ADA2: variants seen among roughly 807,000 people sequenced by gnomAD.
ADA2 encodes the protein adenosine deaminase 2, also known as adenosine deaminase CECR1.
In ADA2, 29 loss-of-function variants were observed where a neutral mutation model predicts 44.2. That is an observed-to-expected ratio of 0.66 (90% CI 0.49 to 0.89). The LOEUF (loss-of-function observed/expected upper bound fraction) is 0.89, where lower values mean the gene tolerates loss of function less well. ADA2 is among the 40% of genes least tolerant of loss of function. ADA2 has a pLI of 0.00. For synonymous variants in ADA2, 215 were observed against 234.9 expected (o/e 0.92, Z 0.77); for missense variants, 637 against 644.8 (o/e 0.99, Z 0.13).
Position 17,209,389 on chromosome 22 carries a change from G to C in ADA2, c.289C>G (p.Gln97Glu), listed in dbSNP as rs370709874. ...ATCATCCTTAGAATATTAAACACTT[G>C]ACTTCTCTCAATGAGATGCTTGGCC... ...FQAKHLIERS[Q>E]VFNILRMMPK... The change falls in exon 2 of 10, where the codon CAA (glutamine) becomes GAA (glutamate). Residue 97 changes from glutamine (Q) to glutamate (E), a missense_variant. By Grantham distance (29) the Gln-to-Glu change is conservative. Coordinates refer to ENST00000399837, the MANE Select transcript of ADA2 (RefSeq NM_001282225.2). 5.0e-6 allele frequency: 8 copies of C among 1,613,846 alleles called. No homozygotes were observed. In the Admixed American group the frequency reaches 8.3e-5, roughly 17 times the overall value.
chr22:17,190,116 G>T, intron 5 of ADA2, 84 bp from the exon 6 acceptor site: 1 of 1,120,714 alleles, frequency 8.9e-7, no homozygotes, highest in Non-Finnish European at 1.3e-6. Context: ...GTGCAGGGCT[G>T]GGCCAGCCCC....
At position 17,182,062 on chromosome 22, in the gene ADA2, C is replaced by G. The variant is rs763152221; in HGVS notation, c.1240-40G>C. The G allele has an allele frequency of 2.0e-5, 30 of 1,528,072 alleles. No homozygotes were observed. In the South Asian group the frequency reaches 3.3e-4, roughly 17 times the overall value. The allele number at this position is 1,528,072 out of a possible 1,614,324, so 94.7% of individuals were successfully genotyped here. On this transcript the variant is annotated intron_variant, in intron 8 of 9. Coordinates refer to ENST00000399837, the MANE Select transcript of ADA2 (RefSeq NM_001282225.2). Reference sequence around the variant, plus strand: ...GGAAGGGAGAAAGATGAACTCTGATCCCTAAAAAGAGTAGTCACAAGTGAG... The same window carrying G: ...GGAAGGGAGAAAGATGAACTCTGATGCCTAAAAAGAGTAGTCACAAGTGAG...
At chr22:17,211,920 C>G (rs1276931561) in intron 1 of ADA2, among the ~76,000 whole-genome samples, 1 of 151,410 alleles carries the variant, frequency 6.6e-6, no homozygotes, top group Non-Finnish European at 1.5e-5. Flanking sequence ...GAGTGAGACT[C>G]CGTCTCAAAA....
At chr22:17,213,429 G>C (rs2062437531) in intron 1 of ADA2, 1 of 185,170 alleles carries the variant, frequency 5.4e-6, no homozygotes, top group South Asian at 9.6e-5. Flanking sequence ...CAAAGTTATG[G>C]AAACAACCCA....
At position 17,207,107 on chromosome 22, in the gene ADA2, C is replaced by T. The variant is rs77563738; in HGVS notation, c.506G>A (p.Arg169Gln). Residue 169 changes from arginine to glutamine, a missense_variant, in exon 3 of 10, where the codon CGG becomes CAG. Coordinates refer to ENST00000399837, the MANE Select transcript of ADA2 (RefSeq NM_001282225.2). ...CTCAGTGACGTTCTGCACCCGCTTCCGATAATCCTCCAGCAGAATCCACTT... is the reference window on the plus strand; with the variant it reads ...CTCAGTGACGTTCTGCACCCGCTTCTGATAATCCTCCAGCAGAATCCACTT... ...CSKWILLEDY[R>Q]KRVQNVTEFD... The T allele has an allele frequency of 5.0e-4, 810 of 1,614,176 alleles. No individual in the cohort carries two copies. Among genetic ancestry groups the T allele is most frequent in the Non-Finnish European group, 5.7e-4 (670 of 1,180,020 alleles).
intron 7 of ADA2, among the ~76,000 whole-genome samples, chr22:17,188,037 G>A (rs754848425): frequency 2.0e-5 from 3 of 151,372 alleles, no homozygotes; most frequent in Admixed American, 6.6e-5. Flanking sequence ...CTGGGAAGCC[G>A]AGGTTGCAGT....
intron 7 of ADA2, among the ~76,000 whole-genome samples, chr22:17,184,976 A>G (rs1373261652): frequency 1.1e-5 from 1 of 90,568 alleles, no homozygotes; most frequent in East Asian, 2.4e-4. Context: ...CAGAGTGCCC[A>G]TGTCAAAATA....
chr22:17,209,881 G>T, intron 1 of ADA2, 158 bp from the exon 2 acceptor site: 1 of 543,430 alleles, frequency 1.8e-6, no homozygotes, highest in South Asian at 2.7e-5. Context: ...ACAGGTAGGG[G>T]TTTCCCAATT....
intron 1 of ADA2, among the ~76,000 whole-genome samples, chr22:17,210,138 C>G (rs918366560): frequency 1.2e-4 from 18 of 151,864 alleles, no homozygotes; most frequent in Non-Finnish European, 2.5e-4. Context: ...GATCTGCCCG[C>G]CTGGGCCTCC....
chr22:17,185,561 G>T (rs945253709), intron 7 of ADA2, among the ~76,000 whole-genome samples: 1 of 152,126 alleles, frequency 6.6e-6, no homozygotes, highest in Non-Finnish European at 1.5e-5. Flanking sequence ...GCAATGTTTT[G>T]TAGGGCCAGA....
intron 4 of ADA2, among the ~76,000 whole-genome samples, chr22:17,200,437 C>T (rs566705039): frequency 3.2e-4 from 48 of 152,254 alleles, no homozygotes; most frequent in Non-Finnish European, 5.7e-4. Flanking sequence ...AGTTAATGTT[C>T]CCCTCCCACT....
intron 2 of ADA2, among the ~76,000 whole-genome samples, 189 bp from the exon 3 acceptor site, chr22:17,207,479 G>A (rs1020575237): frequency 4.6e-5 from 7 of 152,010 alleles, no homozygotes; most frequent in South Asian, 4.2e-4. Context: ...CCAGGGCTCC[G>A]GGGCTTGGGG....
intron 3 of ADA2, among the ~76,000 whole-genome samples, chr22:17,204,422 G>T (rs2062329056): frequency 6.6e-6 from 1 of 152,114 alleles, no homozygotes; most frequent in Non-Finnish European, 1.5e-5. Flanking sequence ...TTCGAGATCA[G>T]CCTGGCCAAC....
At position 17,203,596 on chromosome 22, in the gene ADA2, C is replaced by T; in HGVS notation, c.720G>A (p.Val240=). The change falls in exon 4 of 10, where the codon GTG becomes GTA. Residue 240 remains valine, a synonymous_variant. Transcript: ENST00000399837. ...RSMQEFYEDN[V]LYMEIRARLL... ...GCCTGGCTCTGATCTCCATGTAGAG[C>T]ACGTTGTCCTCGTAGAACTCCTGCA... 1 of 1,613,044 alleles carries T rather than the reference C, an allele frequency of 6.2e-7. No individual in the cohort carries two copies. Among genetic ancestry groups the T allele is most frequent in the Non-Finnish European group, 8.5e-7 (1 of 1,179,986 alleles).
intron 4 of ADA2, chr22:17,199,620 G>C: frequency 6.2e-7 from 1 of 1,614,072 alleles, no homozygotes; most frequent in Non-Finnish European, 8.5e-7. Context: ...GATGCTCTCT[G>C]GGATCGCCAT....
At chr22:17,199,440 T>TTCCCCTCCCTCCCCTCCTCAATCCACA in intron 4 of ADA2, 1 of 1,027,940 alleles carries the variant, frequency 9.7e-7, no homozygotes, top group Non-Finnish European at 1.5e-6. Flanking sequence ...CTCTATCCTC[T>TTCCCCTCCCTCCCCTCCTCAATCCACA]TCCCCTCCAC....
rs1381539049 is a variant in ADA2, at chr22:17,179,593, A to C, written c.*1890T>G. The C allele has an allele frequency of 6.6e-6, 1 of 152,526 alleles. No individual in the cohort carries two copies. Among genetic ancestry groups the C allele is most frequent in the East Asian group, 1.9e-4 (1 of 5,190 alleles). The allele number at this position is 152,526 out of a possible 1,614,324, so 9.4% of individuals were successfully genotyped here. On this transcript the variant is annotated 3_prime_UTR_variant, in exon 10 of 10. Coordinates refer to ENST00000399837, the MANE Select transcript of ADA2 (RefSeq NM_001282225.2). ...AGGGTAAACAGGAGTGGGCAAGACA[A>C]AAGGGGAAAGAAGGAATCTTCCAGG...
intron 1 of ADA2, chr22:17,213,724 G>A (rs1341712038): frequency 5.3e-5 from 13 of 243,680 alleles, no homozygotes; most frequent in South Asian, 3.5e-4. Context: ...CAGGAGAAGC[G>A]GCAATGGAAA....
At chr22:17,199,816 C>T (rs759794032) in intron 4 of ADA2, 2 of 1,322,754 alleles carry the variant, frequency 1.5e-6, no homozygotes, top group Non-Finnish European at 2.0e-6. Context: ...GCATGGCTCG[C>T]GTCTGTAATC....
Sources: allele counts gnomAD v4.1 joint callset (sites outside exome capture counted in the v4.1 genomes callset), GRCh38; gene constraint gnomAD v4.1.1; transcripts MANE v1.5; gene names NCBI Gene and HGNC (gene_info 2026-07-23, HGNC 2026-07-21).